The following MYO5B variants were observed in gnomAD, a reference collection of about 807,000 sequenced individuals.
MYO5B encodes myosin VB, also known as unconventional myosin-Vb.
A neutral mutation model predicts 229.3 loss-of-function variants in MYO5B; 143 were observed. That is an observed-to-expected ratio of 0.62 (90% CI 0.54 to 0.72). The LOEUF is 0.72. MYO5B is among the 30% of genes least tolerant of loss of function. MYO5B has a pLI of 0.00. For synonymous variants in MYO5B, 918 were observed against 885.2 expected, an observed-to-expected ratio of 1.04 and a Z score of -0.66; for missense variants, 2,321 against 2,331.0, an observed-to-expected ratio of 1.00 and a Z score of 0.09.
At chr18:50,008,727 C>T (rs1317042199) in intron 4 of MYO5B, among the ~76,000 whole-genome samples, 2 of 152,178 alleles carry the variant, frequency 1.3e-5, no homozygotes, top group Non-Finnish European at 2.9e-5. Context: ...AAGGACATCC[C>T]ATCTCCAAAC....
intron 1 of MYO5B, among the ~76,000 whole-genome samples, chr18:50,155,114 C>A (rs1358174779): frequency 6.6e-6 from 1 of 152,188 alleles, no homozygotes; most frequent in Non-Finnish European, 1.5e-5. Flanking sequence ...TATATGGGTT[C>A]ACATACGTAA....
At chr18:50,077,502 AACACACACAC>A (rs60086500) in intron 1 of MYO5B, among the ~76,000 whole-genome samples, 47 of 133,608 alleles carry the variant, frequency 3.5e-4, no homozygotes, top group African/African-American at 7.2e-4. Context: ...CACACACACA[AACACACACAC>A]ACACACACAC....
At chr18:50,021,593 C>A (rs186016424) in intron 4 of MYO5B, among the ~76,000 whole-genome samples, 1 of 152,196 alleles carries the variant, frequency 6.6e-6, no homozygotes, top group Non-Finnish European at 1.5e-5. Flanking sequence ...TTGGGTGTCA[C>A]GCTCTGTCTG....
intron 1 of MYO5B, among the ~76,000 whole-genome samples, chr18:50,115,116 C>G (rs2031934839): frequency 6.6e-6 from 1 of 152,204 alleles, no homozygotes. Context: ...CCACACTGTG[C>G]CTTCCTCCTC....
intron 16 of MYO5B, among the ~76,000 whole-genome samples, chr18:49,932,813 T>C (rs1403690465): frequency 6.6e-6 from 1 of 152,034 alleles, no homozygotes; most frequent in African/African-American, 2.4e-5. Flanking sequence ...CTGTACTTCC[T>C]CTCCCCAACA....
intron 5 of MYO5B, among the ~76,000 whole-genome samples, chr18:49,998,205 C>T (rs995536817): frequency 1.3e-5 from 2 of 152,142 alleles, no homozygotes; most frequent in Admixed American, 6.5e-5. Flanking sequence ...TTAATGACAG[C>T]TCAAGGGACA....
chr18:49,974,119 A>G (rs1284611268), intron 10 of MYO5B, among the ~76,000 whole-genome samples: 1 of 152,196 alleles, frequency 6.6e-6, no homozygotes, highest in Non-Finnish European at 1.5e-5. Context: ...TGGTGTTTTG[A>G]CAGGTCCATT....
At chr18:50,163,658 G>A (rs904865888) in intron 1 of MYO5B, among the ~76,000 whole-genome samples, 5 of 152,140 alleles carry the variant, frequency 3.3e-5, no homozygotes, top group Non-Finnish European at 5.9e-5. Flanking sequence ...CCTAACAAAG[G>A]TAGTCTCTGG....
At chr18:49,926,619 T>C (rs867073435) in intron 17 of MYO5B, among the ~76,000 whole-genome samples, 1 of 152,166 alleles carries the variant, frequency 6.6e-6, no homozygotes, top group Non-Finnish European at 1.5e-5. Context: ...CAGGCAAGTG[T>C]CCAGAGGGGA....
chr18:49,835,465 A>G, intron 38 of MYO5B, 41 bp from the exon 39 acceptor site: 1 of 1,248,274 alleles, frequency 8.0e-7, no homozygotes, highest in Non-Finnish European at 1.2e-6. Context: ...GAGCTAAATG[A>G]ACATGAGACA....
At chr18:49,968,094 C>T (rs2025646931) in intron 10 of MYO5B, among the ~76,000 whole-genome samples, 1 of 152,178 alleles carries the variant, frequency 6.6e-6, no homozygotes, top group African/African-American at 2.4e-5. Context: ...GAGCAAGTCA[C>T]AGTCCCTGCC....
At chr18:50,077,954 C>T (rs777370289) in intron 1 of MYO5B, among the ~76,000 whole-genome samples, 10 of 152,174 alleles carry the variant, frequency 6.6e-5, no homozygotes, top group Non-Finnish European at 8.8e-5. Context: ...TCCTATATTG[C>T]GGAAAAGACA....
rs573041647 is a variant in MYO5B at position 49,982,925 on chromosome 18, T to A, written c.946+1793A>T. 9.2e-5 allele frequency among the ~76,000 whole-genome samples: 14 copies of A among 152,248 alleles called. No individual in the cohort carries two copies. In the East Asian group the frequency reaches 2.3e-3, roughly 25 times the overall value. On this transcript the variant is annotated intron_variant, in intron 8 of 39. Transcript: ENST00000285039. The stretch of plus-strand genomic sequence containing the variant: ...GTCCTTAGAGCCTTGGAGGGAGCAA[T>A]CCTCTCCTTATATCAGCTTGTGCCC...
intron 1 of MYO5B, among the ~76,000 whole-genome samples, chr18:50,077,860 G>A (rs2031125295): frequency 6.6e-6 from 1 of 152,090 alleles, no homozygotes; most frequent in African/African-American, 2.4e-5. Flanking sequence ...GCAAGTTTCC[G>A]GTTCCTACAT....
At chr18:50,194,671 G>A (rs972214830) in intron 1 of MYO5B, 96 bp downstream of exon 1, 2 of 851,648 alleles carry the variant, frequency 2.3e-6, no homozygotes, top group Admixed American at 4.8e-5. Flanking sequence ...GTCACCTCCC[G>A]CCTCCAGTAG....
intron 1 of MYO5B, among the ~76,000 whole-genome samples, chr18:50,079,181 A>T (rs1048799271): frequency 7.2e-5 from 11 of 152,252 alleles, no homozygotes; most frequent in African/African-American, 2.7e-4. Flanking sequence ...CAATACATTA[A>T]GTTAGATATA....
chr18:50,039,421 T>C (rs1446143671), intron 3 of MYO5B, among the ~76,000 whole-genome samples: 2 of 152,052 alleles, frequency 1.3e-5, no homozygotes, highest in African/African-American at 4.8e-5. Flanking sequence ...AAGCTCCGAC[T>C]CCCCGGTTCA....
intron 1 of MYO5B, among the ~76,000 whole-genome samples, chr18:50,182,021 T>C (rs2033080297): frequency 6.6e-6 from 1 of 152,220 alleles, no homozygotes; most frequent in South Asian, 2.1e-4. Flanking sequence ...ACCGTTGGAT[T>C]AGAAGAACTC....
At chr18:50,037,140 T>C in intron 3 of MYO5B, 146 bp from the exon 4 acceptor site, 1 of 838,624 alleles carries the variant, frequency 1.2e-6, no homozygotes, top group African/African-American at 1.7e-5. Flanking sequence ...ATCAGCTCAA[T>C]CAAGGCTCAT....
Sources: gnomAD v4.1 joint callset for allele counts (sites outside exome capture counted in the v4.1 genomes callset) on GRCh38, gnomAD v4.1.1 for gene constraint, MANE v1.5 for transcripts, NCBI Gene and HGNC (gene_info 2026-07-23, HGNC 2026-07-21) for gene names.